CELF2: variants seen among roughly 807,000 people sequenced by gnomAD.
The protein encoded by CELF2 is CUG triplet repeat RNA-binding protein 2.
In CELF2, 8 loss-of-function variants were observed where a neutral mutation model predicts 62.6. That is an observed-to-expected ratio of 0.13 (90% CI 0.07 to 0.23). The LOEUF (loss-of-function observed/expected upper bound fraction) is 0.23. Ranked by LOEUF, CELF2 falls within the 10% of genes least tolerant of loss-of-function variation. CELF2 has a pLI of 1.00. For missense variants in CELF2, 333 were observed against 671.0 expected (o/e 0.50, Z 5.56); for synonymous variants, 258 against 250.0 (o/e 1.03, Z -0.30).
chr10:10,860,300 T>A (rs1259540034), intron 1 of CELF2, among the ~76,000 whole-genome samples: 2 of 152,114 alleles, frequency 1.3e-5, no homozygotes, highest in Non-Finnish European at 2.9e-5. Flanking sequence ...ATAACATTAT[T>A]TGAAAATAGT....
rs1160700716 is a variant in CELF2, at chr10:11,207,177, C to T, written c.272-10248C>T. ...GGGTGAGGAAGTGTTACAGTATACA[C>T]ATAGCTGTGCATATTAGGCTGCACT... is the stretch of plus-strand genomic sequence containing the variant. On this transcript the variant is annotated intron_variant, in intron 2 of 12. Transcript: ENST00000633077. The surrounding 1 kb of genome is among the most constrained non-coding windows in gnomAD (Gnocchi z 4.1). Among the ~76,000 whole-genome samples, 1 of 152,258 alleles carries T rather than the reference C, an allele frequency of 6.6e-6. No individual in the cohort carries two copies. The highest frequency in any genetic ancestry group is 2.4e-5 in the African/African-American group (1 of 41,470).
intron 1 of CELF2, among the ~76,000 whole-genome samples, chr10:10,814,032 T>G (rs1309251859): frequency 6.6e-6 from 1 of 151,938 alleles, no homozygotes; most frequent in African/African-American, 2.4e-5. Flanking sequence ...TTGGATATAT[T>G]GAGGCCAAAC....
chr10:11,070,249 G>A (rs2069457741), intron 1 of CELF2, among the ~76,000 whole-genome samples: 1 of 152,178 alleles, frequency 6.6e-6, no homozygotes, highest in Non-Finnish European at 1.5e-5. Flanking sequence ...AGGACTCAGG[G>A]TAGGAGACAG....
intron 1 of CELF2, among the ~76,000 whole-genome samples, chr10:11,090,188 G>GAA (rs111809755): frequency 2.9e-5 from 4 of 136,426 alleles, no homozygotes; most frequent in Admixed American, 2.2e-4. Context: ...GAAATTTGGG[G>GAA]AAAAAAAAAA....
the CELF2 span, among the ~76,000 whole-genome samples, chr10:10,519,145 G>C: frequency 6.6e-6 from 1 of 152,286 alleles, no homozygotes; most frequent in South Asian, 2.1e-4. Flanking sequence ...AATGGAATTG[G>C]CTAAAGTGTC....
At chr10:11,256,832 T>C (rs1408769058) in intron 4 of CELF2, among the ~76,000 whole-genome samples, 1 of 152,096 alleles carries the variant, frequency 6.6e-6, no homozygotes, top group Non-Finnish European at 1.5e-5. Flanking sequence ...ACGTGTCTTA[T>C]CTTCCCCAAT....
chr10:10,775,329 G>T, the CELF2 span, among the ~76,000 whole-genome samples: 1 of 152,104 alleles, frequency 6.6e-6, no homozygotes, highest in Non-Finnish European at 1.5e-5. Flanking sequence ...GGATGGTACA[G>T]AGAGAAAGCA....
rs571022394 is a variant in CELF2 at position 10,889,537 on chromosome 10, C to A, written c.54-30427C>A. ...CTATCAGAACTGGAGAATGTCTGAT[C>A]ATCAGAAACATGCAAGATTCAGGTG... On this transcript the variant is annotated intron_variant, in intron 1 of 13. Coordinates refer to the CELF2 transcript ENST00000636488. 8.5e-5 allele frequency among the ~76,000 whole-genome samples: 13 copies of A among 152,312 alleles called. No individual in the cohort carries two copies. The East Asian group carries it at 2.5e-3, about 29-fold the overall frequency.
At chr10:10,589,010 G>A in the CELF2 span, among the ~76,000 whole-genome samples, 1 of 152,176 alleles carries the variant, frequency 6.6e-6, no homozygotes, top group African/African-American at 2.4e-5. Context: ...ACATACCTGT[G>A]ACACAGTCTC....
At chr10:11,163,106 G>A (rs2066103205) in intron 1 of CELF2, among the ~76,000 whole-genome samples, 1 of 152,198 alleles carries the variant, frequency 6.6e-6, no homozygotes, top group African/African-American at 2.4e-5. Flanking sequence ...GCATCTTGGT[G>A]AGTTTATATT....
intron 5 of CELF2, among the ~76,000 whole-genome samples, chr10:11,261,507 A>G (rs1200380399): frequency 2.0e-5 from 3 of 150,704 alleles, no homozygotes; most frequent in Admixed American, 2.0e-4. Context: ...GCCCCAGCCC[A>G]TGTTCCAGGG....
At chr10:10,598,398 G>C in the CELF2 span, among the ~76,000 whole-genome samples, 1 of 152,198 alleles carries the variant, frequency 6.6e-6, no homozygotes, top group Non-Finnish European at 1.5e-5. Flanking sequence ...AGTGAGTTCT[G>C]TACAAGGGCC....
At chr10:10,945,145 A>T (rs1184724068) in intron 2 of CELF2, among the ~76,000 whole-genome samples, 1 of 152,220 alleles carries the variant, frequency 6.6e-6, no homozygotes, top group Non-Finnish European at 1.5e-5. Flanking sequence ...ATTCAGCCTA[A>T]GAACGGATGG....
At chr10:10,598,751 CT>C in the CELF2 span, among the ~76,000 whole-genome samples, 440 of 69,578 alleles carry the variant, frequency 6.3e-3, 6 homozygotes, top group African/African-American at 0.019. Flanking sequence ...CTTTTTCTTT[CT>C]TTTTTTTTTT....
chr10:10,962,945 T>G (rs2049694323), intron 2 of CELF2, among the ~76,000 whole-genome samples: 1 of 152,196 alleles, frequency 6.6e-6, no homozygotes, highest in South Asian at 2.1e-4. Context: ...TCATCAAACG[T>G]GCAATGCCAT....
At chr10:10,750,284 GAAAAAAA>G in the CELF2 span, among the ~76,000 whole-genome samples, 1 of 110,796 alleles carries the variant, frequency 9.0e-6, no homozygotes, top group African/African-American at 3.4e-5. Context: ...CCATCTCAAA[GAAAAAAA>G]AAAAAAAAGA....
chr10:11,203,231 A>C (rs1040494156), intron 2 of CELF2, among the ~76,000 whole-genome samples: 1 of 152,094 alleles, frequency 6.6e-6, no homozygotes, highest in African/African-American at 2.4e-5. Context: ...AGTGGCTGCT[A>C]ATCAGTGTGT....
intron 1 of CELF2, among the ~76,000 whole-genome samples, chr10:11,125,809 G>A (rs1263166864): frequency 1.3e-5 from 2 of 152,250 alleles, no homozygotes; most frequent in East Asian, 3.9e-4. Context: ...TGTTTTTGAT[G>A]TCTTCCTTGG....
intron 2 of CELF2, among the ~76,000 whole-genome samples, chr10:10,950,361 C>T (rs193269940): frequency 6.6e-6 from 1 of 152,192 alleles, no homozygotes; most frequent in East Asian, 1.9e-4. Context: ...TGGGTCTGAA[C>T]AAATGGGGCA....
Sources: gnomAD v4.1 joint callset for allele counts (sites outside exome capture counted in the v4.1 genomes callset) on GRCh38, gnomAD v4.1.1 for gene constraint, Gnocchi (gnomAD v3.1) non-coding constraint, MANE v1.5 for transcripts, NCBI Gene and HGNC (gene_info 2026-07-23, HGNC 2026-07-21) for gene names.